HIVEP3: variants seen among roughly 807,000 people sequenced by gnomAD.
The protein encoded by HIVEP3 is transcription factor HIVEP3.
Under a neutral mutation model 152.8 loss-of-function variants are expected in HIVEP3, and 49 were observed. The observed-to-expected ratio is 0.32, with a 90% CI of 0.26 to 0.41. The LOEUF is 0.41. HIVEP3 is among the 10% of genes least tolerant of loss of function. HIVEP3 has a pLI of 1.00. For synonymous variants in HIVEP3, 1,269 were observed against 1,289.0 expected (o/e 0.98, Z 0.33); for missense variants, 2,790 against 3,103.3 (o/e 0.90, Z 2.40).
intron 1 of HIVEP3, among the ~76,000 whole-genome samples, chr1:41,869,243 A>AC (rs1256589493): frequency 6.6e-6 from 1 of 152,194 alleles, no homozygotes; most frequent in Non-Finnish European, 1.5e-5. Flanking sequence ...TAAGGAGGTC[A>AC]CCCCCTCACA....
intron 1 of HIVEP3, among the ~76,000 whole-genome samples, chr1:41,727,602 C>T (rs1043484370): frequency 1.3e-5 from 2 of 152,254 alleles, no homozygotes; most frequent in African/African-American, 4.8e-5. Flanking sequence ...GGCGCGGCGC[C>T]GCCGGAGGAA....
At position 41,628,768 on chromosome 1, in the gene HIVEP3, T is replaced by A. The variant is rs1191027540; in HGVS notation, c.-541A>T. On this transcript the variant is annotated 5_prime_UTR_variant, in exon 3 of 9. It introduces an in-frame stop codon into an upstream open reading frame of the 5' UTR. Coordinates refer to ENST00000372583, the MANE Select transcript of HIVEP3 (RefSeq NM_024503.5). ...TCCTACCTGTGCTGAAGGCACCACT[T>A]CCGATGACCAAAACTGAAACGCTGT... is the stretch of plus-strand genomic sequence containing the variant. 2.4e-6 allele frequency: 3 copies of A among 1,232,160 alleles called. No homozygotes were observed. Among genetic ancestry groups the A allele is most frequent in the East Asian group, 6.3e-5 (2 of 31,706 alleles). The allele number at this position is 1,232,160 out of a possible 1,614,324, so 76.3% of individuals were successfully genotyped here. A position where few individuals can be genotyped will look rare whatever the true frequency, so the allele number is the denominator to read the frequency against.
chr1:41,638,256 G>GAGAAAGAAAGAAAGAAAGAAAGAAAGAA (rs61470609), intron 2 of HIVEP3, among the ~76,000 whole-genome samples: 71 of 120,886 alleles, frequency 5.9e-4, no homozygotes, highest in African/African-American at 7.0e-4. Flanking sequence ...AAGAAAGAGA[G>GAGAAAGAAAGAAAGAAAGAAAGAAAGAA]AGAAAGAAAG....
At chr1:41,953,304 G>T (rs58661208) in intron 1 of HIVEP3, among the ~76,000 whole-genome samples, 1,549 of 152,278 alleles carry the variant, frequency 0.01, 23 homozygotes, top group African/African-American at 0.036. Flanking sequence ...AGACTGCCTG[G>T]GTTCAAGTCA....
chr1:41,980,525 G>C (rs932901652), intron 1 of HIVEP3, among the ~76,000 whole-genome samples: 4 of 152,208 alleles, frequency 2.6e-5, no homozygotes, highest in African/African-American at 4.8e-5. Context: ...AAGTAGACTA[G>C]TGATTGCCTG....
At chr1:41,758,451 A>T (rs1433664182) in intron 1 of HIVEP3, among the ~76,000 whole-genome samples, 1 of 152,238 alleles carries the variant, frequency 6.6e-6, no homozygotes, top group Non-Finnish European at 1.5e-5. Context: ...ACAGCCTTCC[A>T]CGCTTCAATG....
At chr1:41,603,669 T>G (rs1231719180) in intron 3 of HIVEP3, among the ~76,000 whole-genome samples, 1 of 152,220 alleles carries the variant, frequency 6.6e-6, no homozygotes, top group African/African-American at 2.4e-5. Flanking sequence ...CTGCTATTGA[T>G]TTCTAGTTTC....
chr1:41,922,854 T>A (rs571824152), upstream of HIVEP3, among the ~76,000 whole-genome samples: 2 of 151,560 alleles, frequency 1.3e-5, no homozygotes, highest in Admixed American at 6.6e-5. Flanking sequence ...AAGAGAGAGA[T>A]AAAGAAAAGG....
intron 2 of HIVEP3, among the ~76,000 whole-genome samples, chr1:41,670,426 C>G (rs925177744): frequency 6.6e-6 from 1 of 152,204 alleles, no homozygotes; most frequent in East Asian, 1.9e-4. Context: ...TCCATCCCCC[C>G]TGAATTCATG....
In HIVEP3 at chr1:41,581,163, G is replaced by A; in HGVS notation, c.3635C>T (p.Pro1212Leu). Residue 1212 changes from proline (P) to leucine (L), a missense_variant, in exon 4 of 9, where the codon CCA (proline) becomes CTA (leucine). By Grantham distance (98) the Pro-to-Leu change is moderately conservative (BLOSUM62 -3). Coordinates refer to ENST00000372583, the MANE Select transcript of HIVEP3 (RefSeq NM_024503.5). The surrounding 1 kb of genome is among the most constrained non-coding windows in gnomAD (Gnocchi z 4.5). The part of the protein sequence containing the change: ...QLHLPQLMPH[P>L]ANIPFRQPPS... Reference sequence around the variant, plus strand: ...GGGCTGCCTGAAGGGGATGTTGGCTGGGTGAGGCATGAGCTGGGGGAGATG... The same window carrying A: ...GGGCTGCCTGAAGGGGATGTTGGCTAGGTGAGGCATGAGCTGGGGGAGATG... 1.3e-6 allele frequency: 2 copies of A among 1,549,334 alleles called. No homozygotes were observed. Among genetic ancestry groups the A allele is most frequent in the Non-Finnish European group, 1.7e-6 (2 of 1,146,924 alleles).
At chr1:41,920,136 C>T (rs1644929254), upstream of HIVEP3, among the ~76,000 whole-genome samples, 1 of 152,254 alleles carries the variant, frequency 6.6e-6, no homozygotes, top group Non-Finnish European at 1.5e-5. Flanking sequence ...CTTCCTTCCC[C>T]TCTTCCAGGG....
chr1:41,616,977 G>GC (rs1263983905), intron 3 of HIVEP3, among the ~76,000 whole-genome samples: 2 of 152,148 alleles, frequency 1.3e-5, no homozygotes, highest in Non-Finnish European at 2.9e-5. Context: ...AGTGTGAATG[G>GC]CCAGAGGGTC....
chr1:41,961,894 T>C (rs1645171673), intron 1 of HIVEP3, among the ~76,000 whole-genome samples: 1 of 152,254 alleles, frequency 6.6e-6, no homozygotes, highest in African/African-American at 2.4e-5. Context: ...AGGTCCTAAA[T>C]ACATAAGACA....
chr1:41,734,108 C>T (rs932312161), intron 1 of HIVEP3, among the ~76,000 whole-genome samples: 5 of 152,206 alleles, frequency 3.3e-5, no homozygotes, highest in East Asian at 1.9e-4. Flanking sequence ...CTCCTGGCCT[C>T]TCCAGTCAGT....
rs1196284002 is a variant in HIVEP3 at position 41,662,490 on chromosome 1, C to T, written c.-720-33543G>A. On this transcript the variant is annotated intron_variant, in intron 2 of 8. Transcript: ENST00000372583. The surrounding 1 kb of genome is among the most constrained non-coding windows in gnomAD (Gnocchi z 7.2). ...CCTGTCGCCGAGCACGGGGACCCCG[C>T]CGCCGGCCCGGGGCGCCTCTCCCGT... Among the ~76,000 whole-genome samples, 1 of 151,516 alleles carries T rather than the reference C, an allele frequency of 6.6e-6. No homozygotes were observed. The highest frequency in any genetic ancestry group is 1.5e-5 in the Non-Finnish European group (1 of 67,774).
intron 1 of HIVEP3, among the ~76,000 whole-genome samples, chr1:41,860,372 C>T (rs1643872494): frequency 1.3e-5 from 2 of 152,168 alleles, no homozygotes; most frequent in African/African-American, 4.8e-5. Context: ...TAAGGTGGGG[C>T]CAGTGGTCTG....
At chr1:42,017,191 T>TA (rs935059392) in intron 1 of HIVEP3, among the ~76,000 whole-genome samples, 5 of 151,414 alleles carry the variant, frequency 3.3e-5, no homozygotes, top group East Asian at 1.9e-4. Context: ...TCTGAGATTA[T>TA]AAAAAAAAAG....
At chr1:41,827,653 TA>T (rs1007151835) in intron 1 of HIVEP3, among the ~76,000 whole-genome samples, 38 of 152,284 alleles carry the variant, frequency 2.5e-4, no homozygotes, top group African/African-American at 8.4e-4. Flanking sequence ...TATAGGCTGA[TA>T]GGGGGGCCAC....
intron 1 of HIVEP3, among the ~76,000 whole-genome samples, chr1:41,821,100 G>A (rs1385823943): frequency 5.3e-5 from 8 of 152,272 alleles, no homozygotes; most frequent in South Asian, 2.1e-4. Context: ...AAGCAGAGCC[G>A]TAAAGCTCTT....
Sources: allele counts gnomAD v4.1 joint callset (sites outside exome capture counted in the v4.1 genomes callset), GRCh38; gene constraint gnomAD v4.1.1; non-coding constraint Gnocchi (gnomAD v3.1); transcripts MANE v1.5; gene names NCBI Gene and HGNC (gene_info 2026-07-23, HGNC 2026-07-21).